PARD3B: variants seen among roughly 807,000 people sequenced by gnomAD.
PARD3B encodes the protein partitioning defective 3 homolog B.
A neutral mutation model predicts 130.2 loss-of-function variants in PARD3B; 103 were observed. That is an observed-to-expected ratio of 0.79 (90% CI 0.67 to 0.93). PARD3B has a LOEUF of 0.93. Among genes scored for constraint, PARD3B ranks in the 40% least tolerant of loss-of-function variants. The pLI, the probability that PARD3B is intolerant of heterozygous loss-of-function variation, is 0.00. For synonymous variants in PARD3B, 583 were observed against 553.2 expected (o/e 1.05, Z -0.76); for missense variants, 1,609 against 1,499.2 (o/e 1.07, Z -1.21).
chr2:205,113,719 C>A, intron 6 of PARD3B, 142 bp downstream of exon 6: 1 of 540,048 alleles, frequency 1.9e-6, no homozygotes, highest in East Asian at 3.2e-5. Flanking sequence ...CTGTTGGCCA[C>A]TTAAGTGTTG....
chr2:204,990,378 T>G (rs768459084), intron 3 of PARD3B, among the ~76,000 whole-genome samples: 6 of 152,206 alleles, frequency 3.9e-5, no homozygotes, highest in South Asian at 2.1e-4. Flanking sequence ...CTCAAACATA[T>G]CATGTTTCTT....
At chr2:205,484,411 C>T (rs1296256679) in intron 20 of PARD3B, among the ~76,000 whole-genome samples, 1 of 152,124 alleles carries the variant, frequency 6.6e-6, no homozygotes, top group African/African-American at 2.4e-5. Flanking sequence ...TCATTAGTGT[C>T]TTTACCAAAC....
intron 4 of PARD3B, among the ~76,000 whole-genome samples, chr2:205,067,244 A>C (rs931880864): frequency 6.6e-6 from 1 of 151,654 alleles, no homozygotes; most frequent in African/African-American, 2.4e-5. Flanking sequence ...TCACTGTAAG[A>C]AACTCAAATT....
intron 18 of PARD3B, among the ~76,000 whole-genome samples, chr2:205,350,062 G>A (rs2105841575): frequency 6.6e-6 from 1 of 152,112 alleles, no homozygotes; most frequent in Non-Finnish European, 1.5e-5. Flanking sequence ...ACATATGAAT[G>A]TTTCTTTAGT....
At chr2:205,191,201 A>C (rs2036381626) in intron 14 of PARD3B, among the ~76,000 whole-genome samples, 2 of 152,178 alleles carry the variant, frequency 1.3e-5, no homozygotes, top group South Asian at 4.1e-4. Context: ...AGACCATACT[A>C]ACCTACAGAA....
At chr2:205,126,930 G>T (rs1001186442) in intron 10 of PARD3B, among the ~76,000 whole-genome samples, 2 of 151,876 alleles carry the variant, frequency 1.3e-5, no homozygotes, top group African/African-American at 2.4e-5. Flanking sequence ...GTTATGAGAG[G>T]TTTTCATTTT....
rs1444495462 is a variant in PARD3B at position 205,118,928 on chromosome 2, G to C, written c.688G>C (p.Gly230Arg). 1 of 1,596,180 alleles carries C rather than the reference G, an allele frequency of 6.3e-7. No homozygotes were observed. The highest frequency in any genetic ancestry group is 2.3e-5 in the East Asian group (1 of 43,990). The change falls in exon 7 of 23, where the codon GGA becomes CGA. Residue 230 changes from glycine (G) to arginine (R), a missense_variant. Transcript: ENST00000406610. Reference sequence around the variant, plus strand: ...TCTAAATTTTGCATTTAGGATTCTAGGACTCTTCATCCGAGGCATTGAAGA... The same window carrying C: ...TCTAAATTTTGCATTTAGGATTCTACGACTCTTCATCCGAGGCATTGAAGA... ...FFSSLSGRIL[G>R]LFIRGIEDNS...
At chr2:205,543,436 A>G (rs2052252713) in intron 21 of PARD3B, among the ~76,000 whole-genome samples, 1 of 152,232 alleles carries the variant, frequency 6.6e-6, no homozygotes, top group African/African-American at 2.4e-5. Flanking sequence ...ACTTGCAGAC[A>G]GTCACAGACT....
chr2:205,313,015 C>T (rs1180105404), intron 18 of PARD3B, among the ~76,000 whole-genome samples: 3 of 151,998 alleles, frequency 2.0e-5, no homozygotes, highest in African/African-American at 7.3e-5. Flanking sequence ...AACTAAGCAC[C>T]AGAGAGAAGA....
At chr2:205,231,375 G>A (rs2038826891) in intron 15 of PARD3B, among the ~76,000 whole-genome samples, 3 of 150,562 alleles carry the variant, frequency 2.0e-5, no homozygotes, top group Admixed American at 1.3e-4. Context: ...TGCCCAGTCT[G>A]GAGTACAGTG....
At chr2:205,155,711 G>T (rs2034076207) in intron 10 of PARD3B, among the ~76,000 whole-genome samples, 2 of 152,106 alleles carry the variant, frequency 1.3e-5, no homozygotes, top group Admixed American at 1.3e-4. Flanking sequence ...AGCACCTGTT[G>T]TTTCCTGACT....
chr2:205,603,043 A>T (rs2054853021), intron 22 of PARD3B, among the ~76,000 whole-genome samples: 1 of 152,126 alleles, frequency 6.6e-6, no homozygotes, highest in Non-Finnish European at 1.5e-5. Context: ...GCATCCCAGA[A>T]ATTCTGCTGT....
intron 2 of PARD3B, among the ~76,000 whole-genome samples, chr2:204,777,993 T>A (rs1392348620): frequency 6.6e-6 from 1 of 152,098 alleles, no homozygotes; most frequent in Non-Finnish European, 1.5e-5. Context: ...GTGAAGAGGC[T>A]GTCTACTTCC....
At position 205,525,189 on chromosome 2, in the gene PARD3B, A is replaced by T. The variant is rs149509208; in HGVS notation, c.3180+25158A>T. ...TACTAGGGCTTTTTTCCCCTCCTAC[A>T]TGGTTAACTCCTAATTTTCCTTTAA... is the stretch of plus-strand genomic sequence containing the variant. On this transcript the variant is annotated intron_variant, in intron 21 of 22. Coordinates refer to ENST00000406610, the MANE Select transcript of PARD3B (RefSeq NM_001302769.2). The surrounding 1 kb of genome is among the most constrained non-coding windows in gnomAD (Gnocchi z 4.2). Among the ~76,000 whole-genome samples the T allele has an allele frequency of 2.5e-3, 382 of 152,242 alleles. No individual in the cohort carries two copies. Among genetic ancestry groups the T allele is most frequent in the African/African-American group, 8.8e-3 (367 of 41,534 alleles).
Position 205,397,161 on chromosome 2 carries a change from GT to G in PARD3B, c.2631-3847del, listed in dbSNP as rs532270917. Among the ~76,000 whole-genome samples, 18 of 152,254 alleles carry G rather than the reference GT, an allele frequency of 1.2e-4. No homozygotes were observed. The highest frequency in any genetic ancestry group is 3.4e-3 in the Middle Eastern group (1 of 294). On this transcript the variant is annotated intron_variant, in intron 18 of 22. Coordinates refer to ENST00000406610, the MANE Select transcript of PARD3B (RefSeq NM_001302769.2). The surrounding 1 kb of genome is among the most constrained non-coding windows in gnomAD (Gnocchi z 4.8). ...TCATCTTAACAATGCGGGAGTTTTT[GT>G]TTTTGTTTTTAAGATTATTGTTTTA...
intron 1 of PARD3B, among the ~76,000 whole-genome samples, chr2:204,550,320 G>C (rs1186536200): frequency 6.6e-6 from 1 of 152,174 alleles, no homozygotes; most frequent in African/African-American, 2.4e-5. Context: ...TTGTGTGTGT[G>C]TGTTCAGTAC....
intron 18 of PARD3B, among the ~76,000 whole-genome samples, chr2:205,361,215 A>G (rs2044376862): frequency 6.6e-6 from 1 of 152,192 alleles, no homozygotes; most frequent in African/African-American, 2.4e-5. Flanking sequence ...TGGTTTTTGT[A>G]TCTGCACATT....
intron 18 of PARD3B, among the ~76,000 whole-genome samples, chr2:205,378,623 T>C (rs1427919399): frequency 1.4e-5 from 2 of 147,202 alleles, no homozygotes; most frequent in East Asian, 1.9e-4. Flanking sequence ...AAAAGAGACA[T>C]GATTTTTTTT....
intron 21 of PARD3B, among the ~76,000 whole-genome samples, chr2:205,501,618 C>A (rs188879475): frequency 2.0e-5 from 3 of 152,280 alleles, no homozygotes; most frequent in East Asian, 1.9e-4. Flanking sequence ...CCGTGTCCAG[C>A]GCATTGAAAA....
Sources: gnomAD v4.1 joint callset for allele counts (sites outside exome capture counted in the v4.1 genomes callset) on GRCh38, gnomAD v4.1.1 for gene constraint, Gnocchi (gnomAD v3.1) non-coding constraint, MANE v1.5 for transcripts, NCBI Gene and HGNC (gene_info 2026-07-23, HGNC 2026-07-21) for gene names.